The following CMIP variants were observed in gnomAD, a reference collection of about 807,000 sequenced individuals.
CMIP encodes C-Maf-inducing protein.
Under a neutral mutation model 97.3 loss-of-function variants are expected in CMIP, and 13 were observed. The ratio of observed to expected loss-of-function variants is 0.13; its 90% CI spans 0.09 to 0.21. CMIP has a LOEUF of 0.21. Ranked by LOEUF, CMIP falls within the 10% of genes least tolerant of loss-of-function variation. CMIP has a pLI of 1.00. For missense variants in CMIP, 847 were observed against 1,024.9 expected (o/e 0.83, Z 2.37); for synonymous variants, 538 against 436.3 (o/e 1.23, Z -2.91).
chr16:81,584,928 G>C (rs1327742922), intron 1 of CMIP, among the ~76,000 whole-genome samples: 1 of 152,206 alleles, frequency 6.6e-6, no homozygotes, highest in South Asian at 2.1e-4. Context: ...GAGAGCAGAG[G>C]CTTTGAAATG....
intron 20 of CMIP, 118 bp downstream of exon 20, chr16:81,707,202 C>A: frequency 1.2e-6 from 1 of 800,650 alleles, no homozygotes; most frequent in South Asian, 1.6e-5. Context: ...ATCTACAGAT[C>A]AATACATAAA....
At chr16:81,489,830 A>G (rs1020041026) in intron 1 of CMIP, among the ~76,000 whole-genome samples, 3 of 152,238 alleles carry the variant, frequency 2.0e-5, no homozygotes, top group Non-Finnish European at 4.4e-5. Context: ...GCACAGGGGA[A>G]GGAGAGTCTC....
rs1240350866 is a variant in CMIP, at chr16:81,711,248, A to G, written c.*1449A>G. On this transcript the variant is annotated 3_prime_UTR_variant, in exon 21 of 21. Coordinates refer to ENST00000537098, the MANE Select transcript of CMIP (RefSeq NM_198390.3). ...ATACTTCCCTCCTCCGGCACCTCCA[A>G]ACCTACCCCACAGTCAGTGTACTTG... 1 of 152,170 alleles carries G rather than the reference A, an allele frequency of 6.6e-6. No individual in the cohort carries two copies. The highest frequency in any genetic ancestry group is 2.4e-5 in the African/African-American group (1 of 41,268). 9.4% of individuals were successfully genotyped at this position (152,170 alleles called of 1,614,324 possible).
At chr16:81,540,741 C>T (rs1016881918) in intron 1 of CMIP, among the ~76,000 whole-genome samples, 5 of 151,332 alleles carry the variant, frequency 3.3e-5, no homozygotes, top group Non-Finnish European at 5.9e-5. Flanking sequence ...AGTGCAGTGG[C>T]GCGATCTCGG....
intron 1 of CMIP, among the ~76,000 whole-genome samples, chr16:81,465,900 C>T (rs111404157): frequency 1.4e-4 from 22 of 152,348 alleles, no homozygotes; most frequent in African/African-American, 5.0e-4. Flanking sequence ...GAACCAAACA[C>T]AGCCCCACTA....
intron 1 of CMIP, among the ~76,000 whole-genome samples, chr16:81,575,620 G>A (rs1305243892): frequency 3.3e-5 from 5 of 152,142 alleles, no homozygotes; most frequent in Admixed American, 6.5e-5. Context: ...CTTTTGTATT[G>A]TCACCTCCTT....
At chr16:81,556,441 T>C (rs2090765549) in intron 1 of CMIP, among the ~76,000 whole-genome samples, 1 of 152,236 alleles carries the variant, frequency 6.6e-6, no homozygotes, top group African/African-American at 2.4e-5. Context: ...GGCTGCACCC[T>C]TTTATATTCG....
intron 1 of CMIP, among the ~76,000 whole-genome samples, chr16:81,467,189 G>T (rs1907253674): frequency 6.6e-6 from 1 of 152,204 alleles, no homozygotes; most frequent in Non-Finnish European, 1.5e-5. Context: ...ACCCATGTTT[G>T]TCACCGGTCC....
At chr16:81,495,596 T>A in intron 1 of CMIP, 1 of 1,257,790 alleles carries the variant, frequency 8.0e-7, no homozygotes, top group Admixed American at 2.1e-5. Flanking sequence ...ACAGACCCAC[T>A]TCTCAGAGGG....
At chr16:81,647,945 C>T (rs2092383397) in intron 3 of CMIP, among the ~76,000 whole-genome samples, 1 of 100,352 alleles carries the variant, frequency 1.0e-5, no homozygotes, top group Non-Finnish European at 2.1e-5. Context: ...AGCCCACCCT[C>T]CCCCCGCACC....
Position 81,711,699 on chromosome 16 carries a change from G to A in CMIP, c.*1900G>A, listed in dbSNP as rs569211855. On this transcript the variant is annotated 3_prime_UTR_variant, in exon 21 of 21. Transcript: ENST00000537098. ...TCCTGATGGTTAATACTACTGTCAC[G>A]TAGCTGTGTACAAAGAGATGTGAAA... The A allele has an allele frequency of 1.3e-5, 2 of 152,010 alleles. No individual in the cohort carries two copies. The highest frequency in any genetic ancestry group is 6.6e-5 in the Admixed American group (1 of 15,254). The allele number at this position is 152,010 out of a possible 1,614,324, so 9.4% of individuals were successfully genotyped here.
At chr16:81,516,687 C>T (rs1344205155) in intron 1 of CMIP, among the ~76,000 whole-genome samples, 1 of 152,198 alleles carries the variant, frequency 6.6e-6, no homozygotes. Flanking sequence ...TGTCTGCAGC[C>T]AAACTGTGGG....
chr16:81,534,949 G>A (rs191246720), intron 1 of CMIP, among the ~76,000 whole-genome samples: 149 of 152,206 alleles, frequency 9.8e-4, no homozygotes, highest in African/African-American at 3.3e-3. Context: ...GCTTCATAGT[G>A]TTTTGTTTGT....
Position 81,445,550 on chromosome 16 carries a change from C to G in CMIP, c.300+9C>G, listed in dbSNP as rs1232794705. On this transcript the variant is annotated intron_variant, in intron 1 of 20. Transcript: ENST00000537098. The stretch of plus-strand genomic sequence containing the variant: ...GCCTGGCGTCCGCCACGGTGAGTGG[C>G]TCTGCGCGGCTGCACCCCCGCCTCT... The G allele has an allele frequency of 6.5e-7, 1 of 1,538,428 alleles. No individual in the cohort carries two copies. The highest frequency in any genetic ancestry group is 2.0e-5 in the Admixed American group (1 of 50,806).
chr16:81,674,271 G>A (rs925345100), intron 9 of CMIP, among the ~76,000 whole-genome samples: 12 of 152,280 alleles, frequency 7.9e-5, no homozygotes, highest in African/African-American at 2.4e-4. Flanking sequence ...AGGAGAAAAC[G>A]GAAGCCAGAG....
intron 1 of CMIP, among the ~76,000 whole-genome samples, chr16:81,571,890 C>T (rs140780724): frequency 1.1e-4 from 17 of 152,354 alleles, no homozygotes; most frequent in African/African-American, 3.8e-4. Flanking sequence ...TAAATTACCT[C>T]TTACCTGGTT....
intron 10 of CMIP, among the ~76,000 whole-genome samples, chr16:81,686,842 G>A (rs1422476776): frequency 1.3e-5 from 2 of 152,148 alleles, no homozygotes; most frequent in Non-Finnish European, 2.9e-5. Context: ...CACGCAAACC[G>A]ATACACAGTG....
At position 81,614,545 on chromosome 16, in the gene CMIP, GT is replaced by G. The variant is rs2091881843; in HGVS notation, c.427-6330del. Among the ~76,000 whole-genome samples, 1 of 152,172 alleles carries G rather than the reference GT, an allele frequency of 6.6e-6. No individual in the cohort carries two copies. The highest frequency in any genetic ancestry group is 6.5e-5 in the Admixed American group (1 of 15,286). On this transcript the variant is annotated intron_variant, in intron 2 of 20. Transcript: ENST00000537098. This position sits in a 1 kb window ranked among gnomAD's most constrained non-coding sequence, Gnocchi z 5.3. Reference sequence around the variant, plus strand: ...TGTGGTATATGCATTGGTTTCCCCAGTGGAAATGTGGCAGTGGAGGAAAGGT... The same window carrying G: ...TGTGGTATATGCATTGGTTTCCCCAGGGAAATGTGGCAGTGGAGGAAAGGT...
intron 1 of CMIP, among the ~76,000 whole-genome samples, chr16:81,448,956 A>G (rs1326466127): frequency 6.6e-6 from 1 of 152,148 alleles, no homozygotes; most frequent in Non-Finnish European, 1.5e-5. Flanking sequence ...GTTGTAAATG[A>G]CAGCCAGGGC....
Sources: gnomAD v4.1 joint callset for allele counts (sites outside exome capture counted in the v4.1 genomes callset) on GRCh38, gnomAD v4.1.1 for gene constraint, Gnocchi (gnomAD v3.1) non-coding constraint, MANE v1.5 for transcripts, NCBI Gene and HGNC (gene_info 2026-07-23, HGNC 2026-07-21) for gene names.